The following NID1 variants were observed in gnomAD, a reference collection of about 807,000 sequenced individuals.
NID1 encodes nidogen-1.
NID1 carries 76 observed loss-of-function variants against 130.6 expected under a neutral mutation model. The ratio of observed to expected loss-of-function variants is 0.58; its 90% CI spans 0.48 to 0.70. The LOEUF (loss-of-function observed/expected upper bound fraction) is 0.70, where lower values mean the gene tolerates loss of function less well. Ranked by LOEUF, NID1 falls within the 30% of genes least tolerant of loss-of-function variation. The probability of loss-of-function intolerance (pLI) is 0.00; values close to 1 mark genes in which losing one functional copy is unlikely to be tolerated. For missense variants in NID1, 1,517 were observed against 1,664.8 expected, an observed-to-expected ratio of 0.91 and a Z score of 1.54; for synonymous variants, 665 against 675.1, an observed-to-expected ratio of 0.98 and a Z score of 0.23.
intron 17 of NID1, among the ~76,000 whole-genome samples, 159 bp from the exon 18 acceptor site, chr1:235,980,104 G>T (rs1386879752): frequency 1.3e-5 from 2 of 152,188 alleles, no homozygotes; most frequent in Admixed American, 6.5e-5. Context: ...CTGGCAAGTT[G>T]TCTCTTCCTC....
intron 1 of NID1, among the ~76,000 whole-genome samples, chr1:236,057,379 A>G (rs1659923376): frequency 6.6e-6 from 1 of 152,176 alleles, no homozygotes; most frequent in African/African-American, 2.4e-5. Flanking sequence ...CAAACTCTCC[A>G]TGGTGTCTCT....
chr1:236,019,697 T>C (rs184264674), intron 9 of NID1, among the ~76,000 whole-genome samples: 17 of 152,212 alleles, frequency 1.1e-4, no homozygotes, highest in African/African-American at 3.9e-4. Flanking sequence ...TCTGAGCTAA[T>C]AGTCCACGGT....
chr1:236,051,026 T>A (rs1338754593), intron 1 of NID1, among the ~76,000 whole-genome samples: 1 of 151,744 alleles, frequency 6.6e-6, no homozygotes, highest in East Asian at 1.9e-4. Context: ...GAGGCTGCAG[T>A]GAGCCGAGAT....
intron 1 of NID1, 191 bp downstream of exon 1, chr1:236,064,664 G>A (rs955996253): frequency 1.9e-5 from 12 of 635,374 alleles, no homozygotes; most frequent in African/African-American, 1.3e-4. Context: ...CCGCTCTTCG[G>A]ATAGCAGGGA....
At chr1:235,980,425 G>C in intron 17 of NID1, 71 bp downstream of exon 17, 8 of 1,522,178 alleles carry the variant, frequency 5.3e-6, no homozygotes, top group Non-Finnish European at 7.2e-6. Context: ...TTTGACCCCA[G>C]GGCCCTAGTT....
At chr1:235,986,588 G>A (rs1657579672) in intron 14 of NID1, among the ~76,000 whole-genome samples, 2 of 152,128 alleles carry the variant, frequency 1.3e-5, no homozygotes, top group Admixed American at 6.5e-5. Context: ...CATTTAAATT[G>A]TAGCTGGGAC....
At chr1:236,003,759 A>G (rs1398574557) in intron 12 of NID1, among the ~76,000 whole-genome samples, 1 of 152,126 alleles carries the variant, frequency 6.6e-6, no homozygotes, top group Non-Finnish European at 1.5e-5. Context: ...AATCCCAGCT[A>G]CTCAGGAGGC....
At chr1:236,043,075 A>G (rs1185819435) in intron 3 of NID1, among the ~76,000 whole-genome samples, 3 of 152,200 alleles carry the variant, frequency 2.0e-5, no homozygotes, top group African/African-American at 7.2e-5. Context: ...AGGCTGGTGT[A>G]CTCAGAGACG....
intron 1 of NID1, chr1:236,060,791 G>A (rs752320225): frequency 1.3e-5 from 2 of 151,982 alleles, no homozygotes; most frequent in Non-Finnish European, 2.9e-5. Flanking sequence ...AATCTGTTGG[G>A]TTCTTTAAAT....
At chr1:235,986,296 A>G (rs1429692962) in intron 14 of NID1, among the ~76,000 whole-genome samples, 1 of 152,224 alleles carries the variant, frequency 6.6e-6, no homozygotes, top group African/African-American at 2.4e-5. Context: ...ATTTATGTAG[A>G]AAGTCATGGG....
chr1:236,052,878 T>C (rs1018874806), intron 1 of NID1, among the ~76,000 whole-genome samples: 7 of 152,052 alleles, frequency 4.6e-5, no homozygotes, highest in African/African-American at 1.7e-4. Flanking sequence ...CTCTCTGAAC[T>C]GGAATAAGCA....
intron 1 of NID1, among the ~76,000 whole-genome samples, chr1:236,053,458 C>T (rs1659817286): frequency 6.6e-6 from 1 of 152,166 alleles, no homozygotes; most frequent in South Asian, 2.1e-4. Flanking sequence ...CGCCCCCGCC[C>T]AACCCCACCA....
chr1:236,027,769 C>A (rs867405197), intron 7 of NID1, among the ~76,000 whole-genome samples: 20 of 151,976 alleles, frequency 1.3e-4, no homozygotes, highest in Middle Eastern at 3.4e-3. Context: ...GCAGACGTTG[C>A]AGTGAGCTGA....
chr1:236,038,679 T>A (rs1187813114), intron 4 of NID1, among the ~76,000 whole-genome samples: 1 of 141,974 alleles, frequency 7.0e-6, no homozygotes, highest in African/African-American at 2.6e-5. Flanking sequence ...ATATATTACC[T>A]ATGTTATATA....
At chr1:236,048,228 G>A (rs892311745) in intron 2 of NID1, among the ~76,000 whole-genome samples, 3 of 151,718 alleles carry the variant, frequency 2.0e-5, no homozygotes, top group Non-Finnish European at 4.4e-5. Context: ...CCAGCTACTC[G>A]GGAGGCTGAG....
At chr1:236,035,125 C>T (rs1358136889) in intron 5 of NID1, among the ~76,000 whole-genome samples, 14 of 131,952 alleles carry the variant, frequency 1.1e-4, no homozygotes, top group Admixed American at 2.3e-4. Flanking sequence ...GTATATCTCC[C>T]AGTGCTATCC....
chr1:235,985,306 T>C, intron 15 of NID1, 73 bp downstream of exon 15: 2 of 1,539,954 alleles, frequency 1.3e-6, no homozygotes, highest in South Asian at 1.1e-5. Context: ...TTTGCTGTTC[T>C]TCTCTGGCAT....
Position 236,025,942 on chromosome 1 carries a change from C to T in NID1, c.1938G>A (p.Glu646=). Residue 646 remains glutamate, a synonymous_variant, in exon 8 of 20, where the codon GAG becomes GAA. Transcript: ENST00000264187. ...TGCTGAGAGCATAGCGCAAGATCTT[C>T]TCCTCCTGGTTGTACAGGACGAACA... The part of the protein sequence containing the change: ...DSVFVLYNQE[E]KILRYALSNS... The T allele has an allele frequency of 6.2e-7, 1 of 1,614,126 alleles. No homozygotes were observed. Among genetic ancestry groups the T allele is most frequent in the Non-Finnish European group, 8.5e-7 (1 of 1,180,032 alleles).
chr1:236,013,708 G>A, intron 10 of NID1, 148 bp from the exon 11 acceptor site: 1 of 873,078 alleles, frequency 1.1e-6, no homozygotes, highest in Non-Finnish European at 1.8e-6. Flanking sequence ...ACTCCTCACT[G>A]GGCTGGTACT....
Sources: allele counts gnomAD v4.1 joint callset (sites outside exome capture counted in the v4.1 genomes callset), GRCh38; gene constraint gnomAD v4.1.1; transcripts MANE v1.5; gene names NCBI Gene and HGNC (gene_info 2026-07-23, HGNC 2026-07-21).